The following FRMD3 variants were observed in gnomAD, a reference collection of about 807,000 sequenced individuals.
The protein encoded by FRMD3 is FERM domain containing 3.
FRMD3 carries 33 observed loss-of-function variants against 70.2 expected under a neutral mutation model. That is an observed-to-expected ratio of 0.47 (90% confidence interval 0.36 to 0.63). The LOEUF (loss-of-function observed/expected upper bound fraction) is 0.63, where lower values mean the gene tolerates loss of function less well. Among genes scored for constraint, FRMD3 ranks in the 20% least tolerant of loss-of-function variants. The pLI, the probability that FRMD3 is intolerant of heterozygous loss-of-function variation, is 0.00. For missense variants in FRMD3, 632 were observed against 711.4 expected (o/e 0.89, Z 1.27); for synonymous variants, 279 against 255.9 (o/e 1.09, Z -0.86).
Position 83,464,075 on chromosome 9 carries a change from C to G in FRMD3, c.147+74010G>C, listed in dbSNP as rs1162356669. On this transcript the variant is annotated intron_variant, in intron 1 of 13. Coordinates refer to ENST00000304195, the MANE Select transcript of FRMD3 (RefSeq NM_174938.6). ...TGTACACACCCCCTGCATGAATGAT[C>G]ATTATTCACTGGCAACAAAGGCCAT... Among the ~76,000 whole-genome samples, 5 of 152,316 alleles carry G rather than the reference C, an allele frequency of 3.3e-5. No homozygotes were observed. The East Asian group carries it at 9.7e-4, about 29-fold the overall frequency.
intron 6 of FRMD3, among the ~76,000 whole-genome samples, chr9:83,328,546 C>T (rs1336340260): frequency 2.0e-5 from 3 of 152,098 alleles, no homozygotes; most frequent in African/African-American, 7.2e-5. Context: ...TAGTCGAAGG[C>T]GCTAAATGAT....
In FRMD3 at chr9:83,349,711, A is replaced by G. The variant is rs756814626; in HGVS notation, c.342T>C (p.His114=). The G allele has an allele frequency of 2.5e-6, 4 of 1,612,446 alleles. No individual in the cohort carries two copies. In the Admixed American group the frequency reaches 5.0e-5, roughly 20 times the overall value. Residue 114 remains histidine, a synonymous_variant, in exon 4 of 14, where the codon CAT becomes CAC. Coordinates refer to ENST00000304195, the MANE Select transcript of FRMD3 (RefSeq NM_174938.6). The part of the protein sequence containing the change: ...TMCFRVKFYP[H]EPLKIKEELT... ...GCTCTTCTTTAATCTTCAAGGGTTC[A>G]TGTGGGTAGAATTTCACTCTAAAGC...
intron 3 of FRMD3, among the ~76,000 whole-genome samples, chr9:83,362,282 A>G (rs760028509): frequency 6.6e-6 from 1 of 152,104 alleles, no homozygotes; most frequent in Non-Finnish European, 1.5e-5. Context: ...ATTAGCCCCA[A>G]GGGGGATGTT....
In FRMD3 at chr9:83,248,419, C is replaced by G. The variant is rs779745381; in HGVS notation, c.1293G>C (p.Glu431Asp). The change falls in exon 14 of 14, where the codon GAG becomes GAC. Residue 431 changes from glutamate to aspartate, a missense_variant. Transcript: ENST00000304195. ...AAGGTTCTTCTTTTATTTTATCTTC[C>G]TCTTCACTAGGGGGATCTTCATACT... is the stretch of plus-strand genomic sequence containing the variant. ...AREYEDPPSE[E>D]EDKIKEEPLT... 3 of 1,614,018 alleles carry G rather than the reference C, an allele frequency of 1.9e-6. No individual in the cohort carries two copies. Among genetic ancestry groups the G allele is most frequent in the Non-Finnish European group, 2.5e-6 (3 of 1,180,030 alleles).
intron 2 of FRMD3, among the ~76,000 whole-genome samples, chr9:83,378,260 TG>T (rs1206076648): frequency 2.5e-5 from 3 of 118,068 alleles, no homozygotes; most frequent in African/African-American, 3.7e-5. Context: ...CCTTCTTTTT[TG>T]TTTTTTTTGT....
chr9:83,401,179 G>C (rs78091092), intron 1 of FRMD3, among the ~76,000 whole-genome samples: 13,702 of 152,234 alleles, frequency 0.09, 648 homozygotes, highest in East Asian at 0.14. Flanking sequence ...CCATTTTCAA[G>C]AAGAGGAAGA....
chr9:83,583,913 T>C, the FRMD3 span, among the ~76,000 whole-genome samples: 1 of 152,216 alleles, frequency 6.6e-6, no homozygotes. Context: ...AAACTCTTTC[T>C]TGTCTTCCCT....
At chr9:83,520,970 C>CAA (rs144061788) in intron 1 of FRMD3, among the ~76,000 whole-genome samples, 615 of 56,110 alleles carry the variant, frequency 0.011, 12 homozygotes, top group African/African-American at 0.024. Context: ...ACTAAAAATA[C>CAA]AAAAAAAAAA....
chr9:83,469,115 T>C (rs1828204676), intron 1 of FRMD3, among the ~76,000 whole-genome samples: 1 of 152,200 alleles, frequency 6.6e-6, no homozygotes. Context: ...CAAATGAGGT[T>C]AAACTAAAAT....
At chr9:83,544,691 A>G in the FRMD3 span, among the ~76,000 whole-genome samples, 8 of 152,200 alleles carry the variant, frequency 5.3e-5, no homozygotes, top group Non-Finnish European at 1.0e-4. Context: ...CCGTCTTTAC[A>G]GGAGACTGAG....
chr9:83,515,708 G>A (rs923634914), intron 1 of FRMD3, among the ~76,000 whole-genome samples: 7 of 152,128 alleles, frequency 4.6e-5, no homozygotes, highest in African/African-American at 1.7e-4. Context: ...AATGTTAAGG[G>A]CAGCCAGAGA....
intron 1 of FRMD3, among the ~76,000 whole-genome samples, chr9:83,534,713 G>A (rs1829855725): frequency 4.6e-5 from 7 of 152,178 alleles, no homozygotes; most frequent in Admixed American, 4.6e-4. Context: ...ACCTAACAAG[G>A]CATTTATGCA....
At chr9:83,426,274 C>T (rs11140081) in intron 1 of FRMD3, among the ~76,000 whole-genome samples, 22,594 of 152,204 alleles carry the variant, frequency 0.15, 2,359 homozygotes, top group African/African-American at 0.29. Context: ...GAAACAGTTA[C>T]CAACAGCAAA....
At chr9:83,280,716 T>C (rs1161571861) in intron 13 of FRMD3, among the ~76,000 whole-genome samples, 1 of 152,240 alleles carries the variant, frequency 6.6e-6, no homozygotes, top group Non-Finnish European at 1.5e-5. Flanking sequence ...ATTAGATACA[T>C]GTATATCTGT....
chr9:83,556,498 G>A, the FRMD3 span, among the ~76,000 whole-genome samples: 18 of 152,156 alleles, frequency 1.2e-4, no homozygotes, highest in South Asian at 8.3e-4. Context: ...AAAATATTTC[G>A]TTTTCTTTCC....
chr9:83,416,044 A>T (rs1025826038), intron 1 of FRMD3, among the ~76,000 whole-genome samples: 4 of 152,048 alleles, frequency 2.6e-5, no homozygotes, highest in African/African-American at 9.7e-5. Context: ...TAGCAAGTAA[A>T]TCTCCTCTTC....
Position 83,378,261 on chromosome 9 carries a change from G to GTTT in FRMD3, c.253-5309_253-5307dup, listed in dbSNP as rs141992984. Among the ~76,000 whole-genome samples, 432 of 129,364 alleles carry GTTT rather than the reference G, an allele frequency of 3.3e-3. 27 individuals are homozygous for GTTT. The highest frequency in any genetic ancestry group is 0.013 in the South Asian group (55 of 4,216). The allele number at this position is 129,364 out of a possible 152,430, so 84.9% of individuals were successfully genotyped here. A position where few individuals can be genotyped will look rare whatever the true frequency, so the allele number is the denominator to read the frequency against. On this transcript the variant is annotated intron_variant, in intron 2 of 13. Transcript: ENST00000304195. ...GAGTCTAACTGTGTCCTTCTTTTTT[G>GTTT]TTTTTTTTGTTTTTTTTGAGACAGA...
At chr9:83,396,900 C>G (rs374980045) in intron 1 of FRMD3, among the ~76,000 whole-genome samples, 9 of 152,326 alleles carry the variant, frequency 5.9e-5, no homozygotes, top group African/African-American at 2.2e-4. Context: ...CCAAGAAGAG[C>G]TAAGAGAGAA....
intron 6 of FRMD3, among the ~76,000 whole-genome samples, chr9:83,321,617 T>C (rs879851528): frequency 2.8e-5 from 4 of 143,970 alleles, no homozygotes; most frequent in Non-Finnish European, 5.9e-5. Flanking sequence ...ATCTTGGAGA[T>C]TTTTTCCATG....
Sources: gnomAD v4.1 joint callset for allele counts (sites outside exome capture counted in the v4.1 genomes callset) on GRCh38, gnomAD v4.1.1 for gene constraint, MANE v1.5 for transcripts, NCBI Gene and HGNC (gene_info 2026-07-23, HGNC 2026-07-21) for gene names.